FRMPD4: variants seen among roughly 807,000 people sequenced by gnomAD.
FRMPD4 encodes the protein FERM and PDZ domain-containing protein 4.
A neutral mutation model predicts 94.1 loss-of-function variants in FRMPD4; 22 were observed. That is an observed-to-expected ratio of 0.23 (90% CI 0.17 to 0.33). The LOEUF (loss-of-function observed/expected upper bound fraction) is 0.33, where lower values mean the gene tolerates loss of function less well. Ranked by LOEUF, FRMPD4 falls within the 10% of genes least tolerant of loss-of-function variation. The pLI, the probability that FRMPD4 is intolerant of heterozygous loss-of-function variation, is 1.00. For synonymous variants in FRMPD4, 631 were observed against 548.6 expected (o/e 1.15, Z -2.10); for missense variants, 1,111 against 1,339.9 (o/e 0.83, Z 2.67).
intron 1 of FRMPD4, among the ~76,000 whole-genome samples, chrX:12,493,451 T>C (rs2057812420): frequency 8.9e-6 from 1 of 112,022 alleles, no homozygotes; most frequent in East Asian, 2.8e-4. Flanking sequence ...ACCGAATGCA[T>C]AGAGCTTTAG....
chrX:12,251,677 C>T (rs2054041793), intron 1 of FRMPD4, among the ~76,000 whole-genome samples: 1 of 111,924 alleles, frequency 8.9e-6, no homozygotes, highest in African/African-American at 3.3e-5. Flanking sequence ...TGCACACAAA[C>T]CCTCCTTTCA....
At chrX:12,033,363 T>C (rs1057154075) in intron 3 of FRMPD4, among the ~76,000 whole-genome samples, 9 of 111,304 alleles carry the variant, frequency 8.1e-5, no homozygotes, top group African/African-American at 2.9e-4. Context: ...CAGAAGAAGT[T>C]GCGGTCCAAG....
chrX:12,570,434 C>T (rs970570966), intron 2 of FRMPD4, among the ~76,000 whole-genome samples: 7 of 111,444 alleles, frequency 6.3e-5, no homozygotes, highest in Non-Finnish European at 1.3e-4. Flanking sequence ...GCCTCCTGAG[C>T]AGCTGGGACT....
chrX:11,885,933 G>A (rs1250102832), intron 3 of FRMPD4, among the ~76,000 whole-genome samples: 2 of 111,468 alleles, frequency 1.8e-5, no homozygotes, highest in Admixed American at 9.5e-5. Context: ...CTATTATTTC[G>A]AAGCTTTGAG....
chrX:12,284,753 T>C (rs1045414178), intron 1 of FRMPD4, among the ~76,000 whole-genome samples: 1 of 112,046 alleles, frequency 8.9e-6, no homozygotes, highest in South Asian at 3.7e-4. Context: ...TTTGTCTCGC[T>C]GAATTTCACC....
chrX:12,437,442 A>AT lies in FRMPD4; in HGVS notation c.42-61230dup, dbSNP rs1468009543. On this transcript the variant is annotated intron_variant, in intron 1 of 16. Transcript: ENST00000675598. ...TTTCTTCTACCTGCCTGTCTTACCC[A>AT]TTTTTTTTCCTTCTTTTTTTCCTTT... 4.6e-5 allele frequency among the ~76,000 whole-genome samples: 5 copies of AT among 108,186 alleles called. No individual in the cohort carries two copies. The East Asian group carries it at 1.2e-3, about 25-fold the overall frequency. 93.9% of individuals were successfully genotyped at this position (108,186 alleles called of 115,157 possible).
At chrX:12,359,079 T>C (rs951548704) in intron 1 of FRMPD4, among the ~76,000 whole-genome samples, 2 of 112,062 alleles carry the variant, frequency 1.8e-5, no homozygotes, top group Admixed American at 1.9e-4. Flanking sequence ...AATATCTCTT[T>C]CCATGATGCT....
chrX:12,693,055 G>T (rs4830792), intron 8 of FRMPD4, among the ~76,000 whole-genome samples: 20,353 of 111,713 alleles, frequency 0.18, 1,691 homozygotes, highest in East Asian at 0.69. Context: ...TACAAGTAGG[G>T]TGTCTTTTTC....
chrX:11,832,667 T>C (rs1363355879), intron 1 of FRMPD4, among the ~76,000 whole-genome samples: 1 of 111,941 alleles, frequency 8.9e-6, no homozygotes, highest in East Asian at 2.8e-4. Flanking sequence ...CAACTCCTTT[T>C]TTAAACTAAT....
intron 3 of FRMPD4, among the ~76,000 whole-genome samples, chrX:12,085,080 T>G (rs1350754383): frequency 8.9e-6 from 1 of 111,930 alleles, no homozygotes; most frequent in Non-Finnish European, 1.9e-5. Context: ...CTAATCTCAA[T>G]TAAACAATTA....
At chrX:12,331,723 T>C (rs1277548381) in intron 1 of FRMPD4, among the ~76,000 whole-genome samples, 1 of 59,717 alleles carries the variant, frequency 1.7e-5, no homozygotes, top group Admixed American at 2.5e-4. Context: ...AATTTATATA[T>C]AGTATATAAA....
intron 1 of FRMPD4, among the ~76,000 whole-genome samples, chrX:11,862,305 T>C (rs1189530516): frequency 9.0e-6 from 1 of 111,299 alleles, no homozygotes; most frequent in East Asian, 2.8e-4. Context: ...ACAGCAAGAC[T>C]GAAAGCATTT....
intron 1 of FRMPD4, among the ~76,000 whole-genome samples, chrX:12,218,898 A>T: frequency 8.9e-6 from 1 of 112,599 alleles, no homozygotes; most frequent in Non-Finnish European, 1.9e-5. Flanking sequence ...CATTTGGTTT[A>T]TGATGGGTTT....
chrX:12,003,913 T>C (rs1241991259), intron 3 of FRMPD4, among the ~76,000 whole-genome samples: 1 of 112,304 alleles, frequency 8.9e-6, no homozygotes, highest in African/African-American at 3.2e-5. Context: ...CATGAGTTCC[T>C]AACATAATGA....
At chrX:12,192,051 T>A (rs1210823222) in intron 1 of FRMPD4, among the ~76,000 whole-genome samples, 1 of 111,814 alleles carries the variant, frequency 8.9e-6, no homozygotes, top group Non-Finnish European at 1.9e-5. Context: ...AAAAACAAAG[T>A]CCATTAAAAG....
At chrX:12,161,697 A>G (rs2056028650) in intron 1 of FRMPD4, among the ~76,000 whole-genome samples, 1 of 112,012 alleles carries the variant, frequency 8.9e-6, no homozygotes. Context: ...CCACTAGGAT[A>G]TGCTGTAATT....
intron 3 of FRMPD4, among the ~76,000 whole-genome samples, chrX:11,989,633 CAA>C (rs1421187262): frequency 2.7e-5 from 3 of 111,463 alleles, no homozygotes; most frequent in Non-Finnish European, 5.7e-5. Flanking sequence ...TTTAAAATAA[CAA>C]AGAGTATAAT....
At chrX:12,324,854 C>T (rs2055262078) in intron 1 of FRMPD4, among the ~76,000 whole-genome samples, 1 of 112,033 alleles carries the variant, frequency 8.9e-6, no homozygotes, top group Non-Finnish European at 1.9e-5. Context: ...TAATAGACTT[C>T]TACTGAGCAA....
At chrX:12,376,701 G>T (rs1466753129) in intron 1 of FRMPD4, among the ~76,000 whole-genome samples, 1 of 112,758 alleles carries the variant, frequency 8.9e-6, no homozygotes, top group Non-Finnish European at 1.9e-5. Flanking sequence ...TTTATCCTTG[G>T]TTGGCAGATG....
Sources: gnomAD v4.1 joint callset for allele counts (sites outside exome capture counted in the v4.1 genomes callset) on GRCh38, gnomAD v4.1.1 for gene constraint, MANE v1.5 for transcripts, NCBI Gene and HGNC (gene_info 2026-07-23, HGNC 2026-07-21) for gene names.